Variants in TSPEAR observed in about 807,000 individuals in gnomAD.
TSPEAR encodes thrombospondin type laminin G domain and EAR repeats, also known as thrombospondin-type laminin G domain and EAR repeat-containing protein.
In TSPEAR, 69 loss-of-function variants were observed where a neutral mutation model predicts 71.6. That is an observed-to-expected ratio of 0.96 (90% confidence interval 0.79 to 1.18). The LOEUF (loss-of-function observed/expected upper bound fraction) is 1.18, where lower values mean the gene tolerates loss of function less well. TSPEAR is among the 50% of genes most tolerant of loss of function. The probability of loss-of-function intolerance (pLI) is 0.00; values close to 1 mark genes in which losing one functional copy is unlikely to be tolerated. For missense variants in TSPEAR, 971 were observed against 894.9 expected (o/e 1.09, Z -1.09); for synonymous variants, 402 against 387.2 (o/e 1.04, Z -0.45).
intron 9 of TSPEAR, chr21:44,518,423 C>T (rs1354382293): frequency 5.0e-6 from 2 of 401,668 alleles, no homozygotes; most frequent in Non-Finnish European, 1.0e-5. Flanking sequence ...ATCACAGGGG[C>T]TTTAGGATCA....
chr21:44,526,708 G>C (rs1166769752), intron 7 of TSPEAR, among the ~76,000 whole-genome samples: 1 of 152,238 alleles, frequency 6.6e-6, no homozygotes, highest in Non-Finnish European at 1.5e-5. Flanking sequence ...TCTAGGACAT[G>C]GCTGTGTAGA....
intron 1 of TSPEAR, among the ~76,000 whole-genome samples, chr21:44,692,054 A>G (rs1378531301): frequency 3.9e-5 from 6 of 152,210 alleles, no homozygotes; most frequent in African/African-American, 1.4e-4. Flanking sequence ...ATAGCTCCAG[A>G]TTAAAAATAA....
intron 4 of TSPEAR, among the ~76,000 whole-genome samples, chr21:44,530,566 T>C (rs1390565207): frequency 1.3e-5 from 2 of 152,124 alleles, no homozygotes; most frequent in Non-Finnish European, 2.9e-5. Flanking sequence ...TGCCCATCCA[T>C]CTGTCAAACC....
intron 2 of TSPEAR, chr21:44,550,348 G>A (rs233236): frequency 0.16 from 69,052 of 425,224 alleles, 2,352 homozygotes; most frequent in East Asian, 0.33. Context: ...GAGTCAGCAC[G>A]GAGTCAGCTG....
chr21:44,509,622 C>T (rs2145922755), intron 9 of TSPEAR, among the ~76,000 whole-genome samples: 1 of 152,086 alleles, frequency 6.6e-6, no homozygotes, highest in South Asian at 2.1e-4. Flanking sequence ...CCTGGCTGTC[C>T]CCAGGGCTGC....
intron 1 of TSPEAR, among the ~76,000 whole-genome samples, chr21:44,682,667 A>C (rs551951138): frequency 1.3e-5 from 2 of 152,368 alleles, no homozygotes; most frequent in East Asian, 3.9e-4. Flanking sequence ...CCAGCAGTGC[A>C]GACTGTGCTT....
chr21:44,526,885 G>T (rs1157016527), intron 7 of TSPEAR, among the ~76,000 whole-genome samples: 1 of 152,254 alleles, frequency 6.6e-6, no homozygotes, highest in African/African-American at 2.4e-5. Context: ...CCTGGCCTCA[G>T]CCTTGCATGT....
At chr21:44,551,501 A>AGTGAGTGTGTGT (rs782296890) in intron 2 of TSPEAR, 15 of 1,570,738 alleles carry the variant, frequency 9.5e-6, no homozygotes, top group African/African-American at 1.4e-5. Context: ...TGTGTGAGTG[A>AGTGAGTGTGTGT]GTGAGTGTGT....
At chr21:44,632,345 G>A (rs1384685892) in intron 1 of TSPEAR, among the ~76,000 whole-genome samples, 1 of 109,632 alleles carries the variant, frequency 9.1e-6, no homozygotes, top group Admixed American at 1.0e-4. Context: ...TGTACTTAAA[G>A]TGCTGAAAGA....
chr21:44,522,149 G>A (rs781967339), intron 8 of TSPEAR, 37 bp from the exon 9 acceptor site: 12 of 1,589,216 alleles, frequency 7.6e-6, no homozygotes, highest in African/African-American at 6.7e-5. Context: ...CAGGGAGGCA[G>A]ATTCCACAGC....
chr21:44,580,125 A>G (rs781905135), intron 1 of TSPEAR: 1 of 1,613,646 alleles, frequency 6.2e-7, no homozygotes, highest in South Asian at 1.1e-5. Flanking sequence ...TGCTGGCAGC[A>G]TGAAGAGGAA....
Position 44,525,816 on chromosome 21 carries a change from A to G in TSPEAR, c.1173T>C (p.Phe391=), listed in dbSNP as rs1555914875. Residue 391 remains phenylalanine (F), a synonymous_variant, in exon 8 of 12, where the codon TTT becomes TTC. Coordinates refer to ENST00000323084, the MANE Select transcript of TSPEAR (RefSeq NM_144991.3). ...ACTCCTGACCCTTCTCATCTGGTTC[A>G]AAATTAGCCACTGCCAGGAAGATCT... ...GKKIFLAVAN[F]EPDEKGQEFS... is the part of the protein sequence containing the mutation. The G allele has an allele frequency of 6.2e-7, 1 of 1,614,086 alleles. No individual in the cohort carries two copies. The highest frequency in any genetic ancestry group is 1.1e-5 in the South Asian group (1 of 91,086).
At position 44,710,741 on chromosome 21, in the gene TSPEAR, T is replaced by C. The variant is rs1988178647; in HGVS notation, c.82+692A>G. On this transcript the variant is annotated intron_variant, in intron 1 of 11. Coordinates refer to ENST00000323084, the MANE Select transcript of TSPEAR (RefSeq NM_144991.3). The surrounding 1 kb of genome is among the most constrained non-coding windows in gnomAD (Gnocchi z 4.6). ...CTTTATTAAATTTTGGTTTGATAAG[T>C]AAAATCCCTCAGTAGAAACTCTAGA... Among the ~76,000 whole-genome samples, 1 of 152,216 alleles carries C rather than the reference T, an allele frequency of 6.6e-6. No homozygotes were observed.
At chr21:44,632,587 G>A (rs1859923196) in intron 1 of TSPEAR, among the ~76,000 whole-genome samples, 2 of 152,248 alleles carry the variant, frequency 1.3e-5, no homozygotes, top group South Asian at 2.1e-4. Flanking sequence ...TGTAATCCCA[G>A]CACTTTGGGA....
chr21:44,699,449 C>T (rs1018527956), intron 1 of TSPEAR, among the ~76,000 whole-genome samples: 1 of 151,612 alleles, frequency 6.6e-6, no homozygotes, highest in Non-Finnish European at 1.5e-5. Flanking sequence ...CTCCTGACTG[C>T]AGCCTCTGAC....
intron 2 of TSPEAR, chr21:44,557,697 C>A: frequency 3.3e-6 from 1 of 302,062 alleles, no homozygotes; most frequent in African/African-American, 2.1e-5. Context: ...AGCCTGGATG[C>A]AGCTCAAGGC....
chr21:44,653,842 G>T (rs1301403452), intron 1 of TSPEAR, among the ~76,000 whole-genome samples: 1 of 152,184 alleles, frequency 6.6e-6, no homozygotes, highest in Non-Finnish European at 1.5e-5. Flanking sequence ...GCCCGAGAGG[G>T]TGCTGTTGAG....
At position 44,522,143 on chromosome 21, in the gene TSPEAR, G is replaced by A. The variant is rs62218855; in HGVS notation, c.1337-31C>T. 19,337 of 1,602,632 alleles carry A rather than the reference G, an allele frequency of 0.012. 140 individuals carry two copies. The highest frequency in any genetic ancestry group is 0.015 in the Non-Finnish European group (17,087 of 1,169,970). Reference sequence around the variant, plus strand: ...ACCAAGGGACTGTGCTGGGGGCAGGGAGGCAGATTCCACAGCCCCATGGCA... The same window carrying A: ...ACCAAGGGACTGTGCTGGGGGCAGGAAGGCAGATTCCACAGCCCCATGGCA... On this transcript the variant is annotated intron_variant, in intron 8 of 11. Coordinates refer to ENST00000323084, the MANE Select transcript of TSPEAR (RefSeq NM_144991.3).
intron 8 of TSPEAR, among the ~76,000 whole-genome samples, chr21:44,525,226 T>G (rs1555914774): frequency 1.3e-5 from 2 of 152,018 alleles, no homozygotes. Flanking sequence ...CGTCAATCAG[T>G]CAGTCAGGTA....
Sources: gnomAD v4.1 joint callset for allele counts (sites outside exome capture counted in the v4.1 genomes callset) on GRCh38, gnomAD v4.1.1 for gene constraint, Gnocchi (gnomAD v3.1) non-coding constraint, MANE v1.5 for transcripts, NCBI Gene and HGNC (gene_info 2026-07-23, HGNC 2026-07-21) for gene names.